Variants in DLG2 observed in about 807,000 individuals in gnomAD.
DLG2 encodes disks large homolog 2.
In DLG2, 45 loss-of-function variants were observed where a neutral mutation model predicts 132.5. That is an observed-to-expected ratio of 0.34 (90% confidence interval 0.27 to 0.44). The LOEUF (loss-of-function observed/expected upper bound fraction) is 0.44, where lower values mean the gene tolerates loss of function less well. Ranked by LOEUF, DLG2 falls within the 20% of genes least tolerant of loss-of-function variation. DLG2 has a pLI of 1.00. For synonymous variants in DLG2, 424 were observed against 419.6 expected, an observed-to-expected ratio of 1.01 and a Z score of -0.13; for missense variants, 1,045 against 1,196.9, an observed-to-expected ratio of 0.87 and a Z score of 1.87.
At chr11:83,499,850 GAGATATATATATATATATATATATAT>G (rs1293294959) in intron 21 of DLG2, among the ~76,000 whole-genome samples, 12 of 58,770 alleles carry the variant, frequency 2.0e-4, no homozygotes, top group Admixed American at 4.8e-4. Context: ...CCACTAATAG[GAGATATATATATATATATATATATAT>G]ATATATATAT....
At chr11:83,985,675 G>C (rs1592387625) in intron 11 of DLG2, among the ~76,000 whole-genome samples, 2 of 151,994 alleles carry the variant, frequency 1.3e-5, no homozygotes, top group South Asian at 4.1e-4. Flanking sequence ...TGTCCCTGTA[G>C]AGGACATGAT....
At chr11:84,726,825 G>A (rs1335419437) in intron 6 of DLG2, among the ~76,000 whole-genome samples, 1 of 151,258 alleles carries the variant, frequency 6.6e-6, no homozygotes, top group Non-Finnish European at 1.5e-5. Context: ...ATGAGATGGT[G>A]GTTTTGATTT....
At chr11:84,506,408 G>A (rs7481987) in intron 7 of DLG2, among the ~76,000 whole-genome samples, 1 of 152,164 alleles carries the variant, frequency 6.6e-6, no homozygotes, top group African/African-American at 2.4e-5. Context: ...AAAGATATGT[G>A]AGGACGGAAG....
At chr11:85,094,960 G>C (rs903664875) in intron 6 of DLG2, among the ~76,000 whole-genome samples, 4 of 152,128 alleles carry the variant, frequency 2.6e-5, no homozygotes, top group African/African-American at 9.7e-5. Context: ...TGAACACTTA[G>C]AGGCCATTGT....
intron 14 of DLG2, 80 bp downstream of exon 14, chr11:83,962,805 A>G: frequency 6.4e-7 from 1 of 1,551,472 alleles, no homozygotes; most frequent in African/African-American, 1.4e-5. Context: ...AGCATCCAAA[A>G]CAACACCTGA....
chr11:84,974,629 G>C (rs556543954), intron 6 of DLG2, among the ~76,000 whole-genome samples: 2 of 152,280 alleles, frequency 1.3e-5, no homozygotes, highest in South Asian at 4.1e-4. Context: ...AAGGAATCCA[G>C]AATTATGTCT....
chr11:85,406,371 T>A (rs1054221500), intron 3 of DLG2, among the ~76,000 whole-genome samples: 1 of 151,640 alleles, frequency 6.6e-6, no homozygotes, highest in East Asian at 1.9e-4. Context: ...AGAGTCAGCA[T>A]TGTAGGGAAG....
chr11:84,677,062 A>G (rs1185053613), intron 6 of DLG2, among the ~76,000 whole-genome samples: 4 of 152,014 alleles, frequency 2.6e-5, no homozygotes, highest in African/African-American at 4.8e-5. Flanking sequence ...CCCAAGAGTA[A>G]CAGACATCCA....
chr11:85,055,775 G>A (rs927640192), intron 6 of DLG2, among the ~76,000 whole-genome samples: 1 of 152,120 alleles, frequency 6.6e-6, no homozygotes, highest in African/African-American at 2.4e-5. Flanking sequence ...CACGATGCTG[G>A]AGAGTAAAAA....
At chr11:84,906,602 A>G (rs1377588025) in intron 6 of DLG2, among the ~76,000 whole-genome samples, 1 of 152,156 alleles carries the variant, frequency 6.6e-6, no homozygotes, top group East Asian at 1.9e-4. Flanking sequence ...ACTCCTAAGG[A>G]TATAATGTAG....
chr11:85,151,956 C>T (rs1394315070), intron 5 of DLG2, among the ~76,000 whole-genome samples: 2 of 152,170 alleles, frequency 1.3e-5, no homozygotes, highest in Non-Finnish European at 2.9e-5. Flanking sequence ...ATTCTGCTCT[C>T]ATTCCATAAA....
chr11:84,096,085 T>C (rs999124201), intron 10 of DLG2, among the ~76,000 whole-genome samples: 6 of 152,228 alleles, frequency 3.9e-5, no homozygotes, highest in African/African-American at 1.2e-4. Context: ...GTAGGGATTC[T>C]ACCAACACAT....
At chr11:84,118,542 T>G (rs2093749582) in intron 9 of DLG2, among the ~76,000 whole-genome samples, 1 of 152,156 alleles carries the variant, frequency 6.6e-6, no homozygotes, top group South Asian at 2.1e-4. Flanking sequence ...ATATAAAACT[T>G]TTCAATTCTC....
intron 3 of DLG2, among the ~76,000 whole-genome samples, chr11:85,416,769 T>C (rs576160391): frequency 2.6e-5 from 4 of 152,350 alleles, no homozygotes; most frequent in South Asian, 4.1e-4. Flanking sequence ...GTAGAAATGC[T>C]TGTGATTTTT....
chr11:84,518,350 G>A (rs1158362296), intron 7 of DLG2, among the ~76,000 whole-genome samples: 2 of 151,846 alleles, frequency 1.3e-5, no homozygotes, highest in Non-Finnish European at 2.9e-5. Context: ...GAAGAGGGAA[G>A]AAGAAAATAC....
intron 8 of DLG2, among the ~76,000 whole-genome samples, chr11:84,201,808 CTTTTTTTTT>C (rs58905339): frequency 3.1e-5 from 2 of 64,584 alleles, no homozygotes; most frequent in African/African-American, 6.7e-5. Flanking sequence ...AAACTATTTT[CTTTTTTTTT>C]TTTTTTTTTT....
chr11:83,722,026 GAAAAAGGC>G (rs1254339893), intron 18 of DLG2, among the ~76,000 whole-genome samples: 1 of 151,978 alleles, frequency 6.6e-6, no homozygotes, highest in African/African-American at 2.4e-5. Context: ...CTGACAAGAA[GAAAAAGGC>G]AAGTACTATT....
chr11:85,116,301 T>C (rs1401828935), intron 5 of DLG2, among the ~76,000 whole-genome samples: 2 of 151,886 alleles, frequency 1.3e-5, no homozygotes, highest in East Asian at 1.9e-4. Context: ...ATATACTCTC[T>C]AGCACATCAA....
intron 7 of DLG2, among the ~76,000 whole-genome samples, chr11:84,298,192 A>G (rs2154379910): frequency 6.6e-6 from 1 of 152,320 alleles, no homozygotes; most frequent in Non-Finnish European, 1.5e-5. Context: ...TATACTATCT[A>G]TTATCAATAT....
Sources: allele counts gnomAD v4.1 joint callset (sites outside exome capture counted in the v4.1 genomes callset), GRCh38; gene constraint gnomAD v4.1.1; transcripts MANE v1.5; gene names NCBI Gene and HGNC (gene_info 2026-07-23, HGNC 2026-07-21).